The following GALNT14 variants were observed in gnomAD, a reference collection of about 807,000 sequenced individuals.
GALNT14 encodes polypeptide N-acetylgalactosaminyltransferase 14.
A neutral mutation model predicts 77.5 loss-of-function variants in GALNT14; 60 were observed. The observed-to-expected ratio is 0.77, with a 90% CI of 0.63 to 0.96. The LOEUF is 0.96. GALNT14 is among the 40% of genes least tolerant of loss of function. GALNT14 has a pLI of 0.00. For synonymous variants in GALNT14, 280 were observed against 281.7 expected, an observed-to-expected ratio of 0.99 and a Z score of 0.06; for missense variants, 710 against 731.0, an observed-to-expected ratio of 0.97 and a Z score of 0.33.
At chr2:31,088,629 A>G (rs1324198093) in intron 1 of GALNT14, among the ~76,000 whole-genome samples, 1 of 152,226 alleles carries the variant, frequency 6.6e-6, no homozygotes, top group Admixed American at 6.5e-5. Context: ...TGCTAGTTGT[A>G]TGCCACTAAG....
rs551063314 is a variant in GALNT14, at chr2:30,970,506, G to T, written c.300-4204C>A. 5.3e-5 allele frequency among the ~76,000 whole-genome samples: 8 copies of T among 152,278 alleles called. No individual in the cohort carries two copies. The East Asian group carries it at 1.4e-3, about 26-fold the overall frequency. ...TGCTATCATCACGCCCAGAGAGTGG[G>T]TGAGCCGGCCCGCACGCCAGGTTCA... is the stretch of plus-strand genomic sequence containing the variant. On this transcript the variant is annotated intron_variant, in intron 2 of 14. Coordinates refer to ENST00000349752, the MANE Select transcript of GALNT14 (RefSeq NM_024572.4).
At chr2:31,113,903 C>T (rs531808207) in intron 1 of GALNT14, among the ~76,000 whole-genome samples, 1 of 152,170 alleles carries the variant, frequency 6.6e-6, no homozygotes, top group Non-Finnish European at 1.5e-5. Flanking sequence ...TAAGCACATT[C>T]CTTTCCCTTC....
At chr2:31,125,445 C>T (rs1024316758) in intron 1 of GALNT14, among the ~76,000 whole-genome samples, 4 of 133,360 alleles carry the variant, frequency 3.0e-5, no homozygotes, top group African/African-American at 5.6e-5. Flanking sequence ...TTACACGTGG[C>T]GCTCAATGCA....
At chr2:31,108,988 G>C (rs987947811) in intron 1 of GALNT14, among the ~76,000 whole-genome samples, 1 of 152,156 alleles carries the variant, frequency 6.6e-6, no homozygotes, top group Non-Finnish European at 1.5e-5. Flanking sequence ...ATCAACCACG[G>C]AGAGGGCAAG....
intron 1 of GALNT14, among the ~76,000 whole-genome samples, chr2:31,075,951 C>A (rs745372149): frequency 6.6e-6 from 1 of 152,178 alleles, no homozygotes; most frequent in Non-Finnish European, 1.5e-5. Context: ...GGTTGTTTGG[C>A]AGAGAATTCC....
chr2:30,955,570 G>A, intron 6 of GALNT14, 48 bp downstream of exon 6: 1 of 1,598,872 alleles, frequency 6.3e-7, no homozygotes, highest in Non-Finnish European at 8.5e-7. Flanking sequence ...AGAGAGCCTG[G>A]AGAAAGCTGG....
intron 1 of GALNT14, among the ~76,000 whole-genome samples, chr2:31,091,471 T>C (rs1676733761): frequency 6.6e-6 from 1 of 152,238 alleles, no homozygotes; most frequent in African/African-American, 2.4e-5. Context: ...CAACTCCTGA[T>C]AGAGATCATC....
At chr2:31,130,783 T>TGTGTGTGCGCGC (rs1181788023) in intron 1 of GALNT14, among the ~76,000 whole-genome samples, 11 of 118,680 alleles carry the variant, frequency 9.3e-5, no homozygotes, top group African/African-American at 4.0e-4. Flanking sequence ...TGTGTGTGTG[T>TGTGTGTGCGCGC]GCGCGCGCAC....
chr2:30,970,067 G>A (rs910089357), intron 2 of GALNT14, among the ~76,000 whole-genome samples: 77 of 152,112 alleles, frequency 5.1e-4, no homozygotes, highest in African/African-American at 1.6e-3. Context: ...ATAGTGCCAC[G>A]TTAGATGCTT....
intron 13 of GALNT14, among the ~76,000 whole-genome samples, chr2:30,916,230 A>T (rs1664672351): frequency 1.3e-5 from 2 of 152,216 alleles, no homozygotes; most frequent in African/African-American, 4.8e-5. Flanking sequence ...ACGTAGACAA[A>T]CAGCTTAGAA....
At chr2:30,898,754 G>T in the GALNT14 span, among the ~76,000 whole-genome samples, 7 of 152,158 alleles carry the variant, frequency 4.6e-5, no homozygotes, top group Middle Eastern at 3.2e-3. Context: ...CCACTCAGTT[G>T]CTGGGGAGGG....
At chr2:31,055,058 C>T (rs1674124984) in intron 1 of GALNT14, among the ~76,000 whole-genome samples, 1 of 152,126 alleles carries the variant, frequency 6.6e-6, no homozygotes, top group Admixed American at 6.5e-5. Flanking sequence ...ACCATCTGAA[C>T]AAAGGAGGAT....
intron 1 of GALNT14, among the ~76,000 whole-genome samples, chr2:31,016,056 G>A (rs1671328692): frequency 1.3e-5 from 2 of 152,148 alleles, no homozygotes; most frequent in Non-Finnish European, 2.9e-5. Flanking sequence ...CCTTCTGCAT[G>A]GATCCGCTCG....
chr2:30,914,709 T>C (rs746817933), intron 13 of GALNT14, among the ~76,000 whole-genome samples: 1 of 152,178 alleles, frequency 6.6e-6, no homozygotes, highest in Non-Finnish European at 1.5e-5. Context: ...CCCCTCTAAA[T>C]GGTCTCCCTT....
At chr2:31,082,625 G>A (rs1333941328) in intron 1 of GALNT14, among the ~76,000 whole-genome samples, 3 of 152,162 alleles carry the variant, frequency 2.0e-5, no homozygotes, top group Non-Finnish European at 4.4e-5. Context: ...TATCTACCTC[G>A]TAAAAAATTG....
the GALNT14 span, among the ~76,000 whole-genome samples, chr2:30,889,003 G>A: frequency 6.6e-6 from 1 of 151,706 alleles, no homozygotes; most frequent in Non-Finnish European, 1.5e-5. Context: ...TGTGTCCTGG[G>A]GCCAGAATCA....
chr2:31,047,751 T>C (rs11694302), intron 1 of GALNT14, among the ~76,000 whole-genome samples: 65,310 of 152,080 alleles, frequency 0.43, 14,343 homozygotes, highest in East Asian at 0.54. Flanking sequence ...ACCCAGGATG[T>C]ACTGAATCAT....
chr2:30,980,366 T>A (rs1240123974), intron 2 of GALNT14, among the ~76,000 whole-genome samples: 1 of 152,198 alleles, frequency 6.6e-6, no homozygotes, highest in Non-Finnish European at 1.5e-5. Flanking sequence ...TGATGCCCCC[T>A]CTTGCCTGGG....
chr2:31,017,296 G>A (rs1671429055), intron 1 of GALNT14, among the ~76,000 whole-genome samples: 1 of 152,136 alleles, frequency 6.6e-6, no homozygotes, highest in South Asian at 2.1e-4. Context: ...TGGCCACTCA[G>A]CATATACCTG....
Sources: allele counts gnomAD v4.1 joint callset (sites outside exome capture counted in the v4.1 genomes callset), GRCh38; gene constraint gnomAD v4.1.1; transcripts MANE v1.5; gene names NCBI Gene and HGNC (gene_info 2026-07-23, HGNC 2026-07-21).